The following ANK3 variants were observed in gnomAD, a reference collection of about 807,000 sequenced individuals.
ANK3 encodes ankyrin-3.
Under a neutral mutation model 370.9 loss-of-function variants are expected in ANK3, and 57 were observed. That is an observed-to-expected ratio of 0.15 (90% CI 0.12 to 0.19). The LOEUF (loss-of-function observed/expected upper bound fraction) is 0.19, where lower values mean the gene tolerates loss of function less well. Among genes scored for constraint, ANK3 ranks in the 10% least tolerant of loss-of-function variants. The pLI is 1.00. For missense variants in ANK3, 4,439 were observed against 5,302.1 expected, an observed-to-expected ratio of 0.84 and a Z score of 5.06; for synonymous variants, 1,929 against 1,946.3, an observed-to-expected ratio of 0.99 and a Z score of 0.23.
At chr10:60,657,893 CT>C (rs2078886384) in intron 1 of ANK3, among the ~76,000 whole-genome samples, 1 of 20,966 alleles carries the variant, frequency 4.8e-5, no homozygotes, top group Non-Finnish European at 1.2e-4. Flanking sequence ...TATTATGAAA[CT>C]CTGTTACTAG....
In ANK3 at chr10:60,565,459, G is replaced by T. The variant is rs1404303400; in HGVS notation, c.96+49727C>A. Among the ~76,000 whole-genome samples the T allele has an allele frequency of 2.6e-5, 4 of 152,128 alleles. No individual in the cohort carries two copies. The East Asian group carries it at 7.7e-4, about 29-fold the overall frequency. On this transcript the variant is annotated intron_variant, in intron 2 of 43. Transcript: ENST00000373827. ...ATATCAGTCCACGTCACAGGGGTTG[G>T]GGACCCCTGCTATAAACTATGTCTG...
chr10:60,186,557 A>T, intron 17 of ANK3, 158 bp downstream of exon 17: 1 of 816,042 alleles, frequency 1.2e-6, no homozygotes, highest in African/African-American at 1.7e-5. Context: ...TTGTTTCCAA[A>T]TTTTTGCTCT....
At chr10:60,558,449 T>C (rs2077258842) in intron 2 of ANK3, among the ~76,000 whole-genome samples, 1 of 152,178 alleles carries the variant, frequency 6.6e-6, no homozygotes, top group East Asian at 1.9e-4. Context: ...CTGAATCTCA[T>C]ATTCCTTGCA....
chr10:60,047,175 T>C (rs1423030002), intron 42 of ANK3, among the ~76,000 whole-genome samples: 1 of 152,176 alleles, frequency 6.6e-6, no homozygotes, highest in Non-Finnish European at 1.5e-5. Flanking sequence ...CCCCGTGGTC[T>C]TGTTGACAAC....
intron 2 of ANK3, among the ~76,000 whole-genome samples, chr10:60,440,756 A>C (rs2064280052): frequency 6.6e-6 from 1 of 152,200 alleles, no homozygotes; most frequent in Non-Finnish European, 1.5e-5. Context: ...ACTCCTTTGC[A>C]CAGTTTGAGA....
At chr10:60,402,285 G>A (rs2063366933) in intron 2 of ANK3, among the ~76,000 whole-genome samples, 1 of 152,054 alleles carries the variant, frequency 6.6e-6, no homozygotes, top group African/African-American at 2.4e-5. Context: ...ATAAAACTAA[G>A]AATATAAATA....
intron 1 of ANK3, among the ~76,000 whole-genome samples, chr10:60,298,427 CTTCCA>C (rs765461015): frequency 2.6e-5 from 4 of 152,174 alleles, no homozygotes; most frequent in Non-Finnish European, 5.9e-5. Flanking sequence ...AGTGTTCAGT[CTTCCA>C]TTCAAGTCAG....
At chr10:60,378,050 C>A (rs2061042803) in intron 1 of ANK3, among the ~76,000 whole-genome samples, 2 of 152,078 alleles carry the variant, frequency 1.3e-5, no homozygotes, top group African/African-American at 4.8e-5. Context: ...TGCCAAGCCC[C>A]CTCCTCAAAT....
At chr10:60,141,952 GA>G (rs1162811192) in intron 23 of ANK3, among the ~76,000 whole-genome samples, 1 of 152,138 alleles carries the variant, frequency 6.6e-6, no homozygotes, top group African/African-American at 2.4e-5. Context: ...CCCAAGCAGA[GA>G]ATAATTTCCA....
intron 1 of ANK3, among the ~76,000 whole-genome samples, chr10:60,659,910 T>C (rs923223536): frequency 6.6e-6 from 1 of 152,266 alleles, no homozygotes; most frequent in Admixed American, 6.5e-5. Flanking sequence ...TATTACCAAA[T>C]GTTCTCTGTA....
intron 1 of ANK3, among the ~76,000 whole-genome samples, chr10:60,724,285 C>T (rs2079911423): frequency 6.7e-6 from 1 of 149,438 alleles, no homozygotes; most frequent in South Asian, 2.1e-4. Context: ...TGCTGATCTA[C>T]GGTGGACTTT....
chr10:60,186,762 C>T lies in ANK3; in HGVS notation c.2038G>A (p.Val680Met). The T allele has an allele frequency of 6.2e-7, 1 of 1,614,136 alleles. No individual in the cohort carries two copies. The highest frequency in any genetic ancestry group is 8.5e-7 in the Non-Finnish European group (1 of 1,180,014). The change falls in exon 17 of 44, where the codon GTG becomes ATG. Residue 680 changes from valine to methionine, a missense_variant. Coordinates refer to ENST00000280772, the MANE Select transcript of ANK3 (RefSeq NM_020987.5). ...GCATTTCTACCGAGGAGCAGCGACA[C>T]CATGTCCACGTGCCCTTCCTGAGCT... ...LAAQEGHVDMVSLLLGRNANV... is the reference protein window; with the variant it reads ...LAAQEGHVDMMSLLLGRNANV...
At chr10:60,402,773 G>C (rs989138559) in intron 2 of ANK3, among the ~76,000 whole-genome samples, 3 of 152,148 alleles carry the variant, frequency 2.0e-5, no homozygotes, top group East Asian at 3.9e-4. Flanking sequence ...ACAACAGCCA[G>C]CCAAGCCCCA....
chr10:60,625,815 T>C (rs16915235), intron 1 of ANK3, among the ~76,000 whole-genome samples: 1 of 152,172 alleles, frequency 6.6e-6, no homozygotes, highest in Non-Finnish European at 1.5e-5. Context: ...TTCAAAAGAA[T>C]GCATGGTTCT....
Position 60,038,899 on chromosome 10 carries a change from C to A in ANK3, c.*19+3773G>T, listed in dbSNP as rs562306924. Among the ~76,000 whole-genome samples, 254 of 152,258 alleles carry A rather than the reference C, an allele frequency of 1.7e-3. 3 individuals are homozygous for A. Among genetic ancestry groups the A allele is most frequent in the African/African-American group, 5.8e-3 (240 of 41,558 alleles). The stretch of plus-strand genomic sequence containing the variant: ...TGTTGTACCCTTTGCTTGGGGTCCT[C>A]TTCTTCTCCATTATTTTCATAATTG... On this transcript the variant is annotated intron_variant, in intron 43 of 43. Coordinates refer to ENST00000280772, the MANE Select transcript of ANK3 (RefSeq NM_020987.5).
At chr10:60,565,446 G>A (rs750025050) in intron 2 of ANK3, among the ~76,000 whole-genome samples, 10 of 152,148 alleles carry the variant, frequency 6.6e-5, no homozygotes, top group Admixed American at 3.3e-4. Flanking sequence ...ATCAGTCCAC[G>A]TCACAGGGGT....
chr10:60,404,757 GC>G (rs1271101799), intron 2 of ANK3, among the ~76,000 whole-genome samples: 1 of 152,042 alleles, frequency 6.6e-6, no homozygotes, highest in African/African-American at 2.4e-5. Flanking sequence ...GCACTTCAAA[GC>G]CCACTGTTAA....
At chr10:60,045,555 T>A (rs2076811556) in intron 42 of ANK3, among the ~76,000 whole-genome samples, 2 of 152,214 alleles carry the variant, frequency 1.3e-5, no homozygotes, top group South Asian at 4.1e-4. Context: ...GATAAAGATC[T>A]TAAGGATGGA....
intron 2 of ANK3, among the ~76,000 whole-genome samples, chr10:60,587,401 T>C (rs952103008): frequency 6.6e-6 from 1 of 152,210 alleles, no homozygotes; most frequent in African/African-American, 2.4e-5. Context: ...ACTAATTCCT[T>C]AGGCTTAAAA....
Sources: allele counts gnomAD v4.1 joint callset (sites outside exome capture counted in the v4.1 genomes callset), GRCh38; gene constraint gnomAD v4.1.1; transcripts MANE v1.5; gene names NCBI Gene and HGNC (gene_info 2026-07-23, HGNC 2026-07-21).